MTHFD1L: variants seen among roughly 807,000 people sequenced by gnomAD.
The protein encoded by MTHFD1L is monofunctional C1-tetrahydrofolate synthase, mitochondrial.
Under a neutral mutation model 119.5 loss-of-function variants are expected in MTHFD1L, and 81 were observed. The ratio of observed to expected loss-of-function variants is 0.68; its 90% CI spans 0.57 to 0.82. MTHFD1L has a LOEUF of 0.82. MTHFD1L is among the 40% of genes least tolerant of loss of function. The pLI, the probability that MTHFD1L is intolerant of heterozygous loss-of-function variation, is 0.00. For synonymous variants in MTHFD1L, 430 were observed against 475.2 expected, an observed-to-expected ratio of 0.90 and a Z score of 1.24; for missense variants, 1,125 against 1,253.4, an observed-to-expected ratio of 0.90 and a Z score of 1.55.
chr6:151,067,783 C>T (rs997109082), intron 26 of MTHFD1L, among the ~76,000 whole-genome samples: 15 of 152,228 alleles, frequency 9.9e-5, no homozygotes, highest in East Asian at 5.8e-4. Context: ...GACCCTGCCT[C>T]GCTGTATGGT....
At chr6:150,913,864 C>T (rs1787389567) in intron 8 of MTHFD1L, among the ~76,000 whole-genome samples, 1 of 152,232 alleles carries the variant, frequency 6.6e-6, no homozygotes, top group East Asian at 1.9e-4. Context: ...GGTGCTGTGG[C>T]TCATGCCTGT....
chr6:151,028,992 G>A (rs1338616535), intron 24 of MTHFD1L, among the ~76,000 whole-genome samples: 1 of 152,060 alleles, frequency 6.6e-6, no homozygotes, highest in African/African-American at 2.4e-5. Flanking sequence ...GATCACTTGA[G>A]CCCAGGAAGT....
At chr6:150,870,996 T>A (rs1583288825) in intron 1 of MTHFD1L, among the ~76,000 whole-genome samples, 1 of 143,702 alleles carries the variant, frequency 7.0e-6, no homozygotes, top group African/African-American at 2.5e-5. Context: ...ATAATATACC[T>A]TAATTATAAT....
intron 26 of MTHFD1L, among the ~76,000 whole-genome samples, chr6:151,043,409 T>C (rs1787450030): frequency 6.6e-6 from 1 of 151,754 alleles, no homozygotes; most frequent in Non-Finnish European, 1.5e-5. Context: ...GGACTACAGG[T>C]ATATGCCACC....
chr6:151,049,914 C>T (rs1443728983), intron 26 of MTHFD1L, among the ~76,000 whole-genome samples: 1 of 152,122 alleles, frequency 6.6e-6, no homozygotes, highest in Non-Finnish European at 1.5e-5. Context: ...ATGTTTCCCC[C>T]ATTTCTGATT....
chr6:151,069,613 G>A (rs372902266), intron 26 of MTHFD1L, among the ~76,000 whole-genome samples: 4 of 152,256 alleles, frequency 2.6e-5, no homozygotes, highest in South Asian at 2.1e-4. Context: ...CAGTGGCAAC[G>A]CTCCTTCTTC....
At chr6:151,031,208 C>T (rs1289324108) in intron 24 of MTHFD1L, among the ~76,000 whole-genome samples, 2 of 152,234 alleles carry the variant, frequency 1.3e-5, no homozygotes, top group African/African-American at 4.8e-5. Flanking sequence ...TTAAACACTG[C>T]ACTCAAAACG....
At chr6:150,937,819 C>T (rs1382191279) in intron 12 of MTHFD1L, among the ~76,000 whole-genome samples, 2 of 152,060 alleles carry the variant, frequency 1.3e-5, no homozygotes, top group African/African-American at 2.4e-5. Context: ...TGAGAAAGCA[C>T]GTAAAGAACG....
chr6:151,075,256 A>G (rs1457212282), intron 26 of MTHFD1L, among the ~76,000 whole-genome samples: 1 of 152,206 alleles, frequency 6.6e-6, no homozygotes, highest in African/African-American at 2.4e-5. Flanking sequence ...ACTGTCAACA[A>G]GAAACCCTTT....
At chr6:150,883,037 A>ATT (rs763165853) in intron 5 of MTHFD1L, 151 bp downstream of exon 5, 657 of 612,316 alleles carry the variant, frequency 1.1e-3, no homozygotes, top group Non-Finnish European at 1.3e-3. Context: ...AGTCTATAGG[A>ATT]TTTTTTTTTT....
intron 17 of MTHFD1L, among the ~76,000 whole-genome samples, chr6:150,957,011 A>C (rs2128990438): frequency 6.6e-6 from 1 of 152,340 alleles, no homozygotes; most frequent in South Asian, 2.1e-4. Context: ...AGGAAGATGG[A>C]ATTAGATTGA....
chr6:150,959,600 C>A (rs1000231319), intron 17 of MTHFD1L, among the ~76,000 whole-genome samples: 3 of 152,196 alleles, frequency 2.0e-5, no homozygotes, highest in Admixed American at 2.0e-4. Context: ...TCCTCCTGGG[C>A]AGCTGAAAAT....
intron 7 of MTHFD1L, among the ~76,000 whole-genome samples, chr6:150,903,203 A>ATTTTTTTT (rs774695918): frequency 4.7e-5 from 4 of 85,474 alleles, no homozygotes; most frequent in Non-Finnish European, 6.4e-5. Flanking sequence ...TGGCTGCAAA[A>ATTTTTTTT]TTTTTTTTTT....
At chr6:150,868,331 G>C (rs2007009) in intron 1 of MTHFD1L, among the ~76,000 whole-genome samples, 26,824 of 148,548 alleles carry the variant, frequency 0.18, 2,813 homozygotes, top group East Asian at 0.42. Context: ...AACAAATGGT[G>C]GCTATTAATT....
At chr6:151,084,577 C>A (rs1037336183) in intron 26 of MTHFD1L, among the ~76,000 whole-genome samples, 1 of 152,056 alleles carries the variant, frequency 6.6e-6, no homozygotes, top group Non-Finnish European at 1.5e-5. Flanking sequence ...CTGTGCCTGG[C>A]CTAATTACTG....
chr6:150,902,172 A>G (rs1401297657), intron 7 of MTHFD1L, among the ~76,000 whole-genome samples: 1 of 152,178 alleles, frequency 6.6e-6, no homozygotes, highest in Non-Finnish European at 1.5e-5. Flanking sequence ...TAACTTTCCA[A>G]ATCTCATCTG....
chr6:150,961,581 G>C (rs79978755), intron 18 of MTHFD1L, among the ~76,000 whole-genome samples: 2,083 of 152,362 alleles, frequency 0.014, 20 homozygotes, highest in South Asian at 0.036. Flanking sequence ...TTGGTAAGCA[G>C]TTGTGAACAG....
intron 26 of MTHFD1L, among the ~76,000 whole-genome samples, chr6:151,077,868 G>A (rs1028115146): frequency 2.0e-5 from 3 of 151,534 alleles, no homozygotes; most frequent in African/African-American, 7.3e-5. Flanking sequence ...TCCAGACCAC[G>A]GTGAAACCCT....
At chr6:150,959,779 C>A (rs1796164461) in intron 17 of MTHFD1L, among the ~76,000 whole-genome samples, 1 of 152,134 alleles carries the variant, frequency 6.6e-6, no homozygotes, top group South Asian at 2.1e-4. Flanking sequence ...AGGGAGGTGG[C>A]CCGTAGGCTA....
Sources: allele counts gnomAD v4.1 joint callset (sites outside exome capture counted in the v4.1 genomes callset), GRCh38; gene constraint gnomAD v4.1.1; transcripts MANE v1.5; gene names NCBI Gene and HGNC (gene_info 2026-07-23, HGNC 2026-07-21).